Variants in LRMDA observed in about 807,000 individuals in gnomAD.
LRMDA encodes leucine rich melanocyte differentiation associated.
LRMDA carries 18 observed loss-of-function variants against 29.8 expected under a neutral mutation model. That is an observed-to-expected ratio of 0.60 (90% CI 0.42 to 0.90). The LOEUF (loss-of-function observed/expected upper bound fraction) is 0.90, where lower values mean the gene tolerates loss of function less well. LRMDA is among the 40% of genes least tolerant of loss of function. The pLI, the probability that LRMDA is intolerant of heterozygous loss-of-function variation, is 0.00. For synonymous variants in LRMDA, 125 were observed against 109.4 expected (o/e 1.14, Z -0.89); for missense variants, 273 against 273.9 (o/e 1.00, Z 0.02).
At chr10:75,486,453 G>A (rs931369042) in intron 2 of LRMDA, among the ~76,000 whole-genome samples, 3 of 152,092 alleles carry the variant, frequency 2.0e-5, no homozygotes, top group Non-Finnish European at 4.4e-5. Context: ...TCTATATAGA[G>A]GACGTAAATT....
At chr10:76,134,561 G>A (rs1277357305) in intron 5 of LRMDA, among the ~76,000 whole-genome samples, 1 of 152,080 alleles carries the variant, frequency 6.6e-6, no homozygotes, top group Non-Finnish European at 1.5e-5. Context: ...GCTGAAAATA[G>A]CTATTTTATT....
chr10:75,576,473 C>A (rs867758558), intron 2 of LRMDA, among the ~76,000 whole-genome samples: 1 of 152,258 alleles, frequency 6.6e-6, no homozygotes, highest in Non-Finnish European at 1.5e-5. Flanking sequence ...CCCTGCCTGG[C>A]AGCTCTGAAG....
chr10:75,491,422 A>C (rs1844985717), intron 2 of LRMDA, among the ~76,000 whole-genome samples: 1 of 152,138 alleles, frequency 6.6e-6, no homozygotes, highest in Non-Finnish European at 1.5e-5. Context: ...TAGTTGCTTG[A>C]GTGGGGGAAC....
chr10:75,614,377 C>T (rs914356966), intron 2 of LRMDA, among the ~76,000 whole-genome samples: 4 of 152,118 alleles, frequency 2.6e-5, no homozygotes, highest in Admixed American at 2.6e-4. Context: ...CGGCTGTGTC[C>T]CCACTCTCCT....
intron 2 of LRMDA, among the ~76,000 whole-genome samples, chr10:75,671,255 C>T (rs1841887539): frequency 1.3e-5 from 2 of 152,172 alleles, no homozygotes; most frequent in Admixed American, 6.5e-5. Context: ...CATCACCTAG[C>T]TTCACTACTA....
chr10:75,902,863 C>T (rs1050725985), intron 2 of LRMDA, among the ~76,000 whole-genome samples: 14 of 152,194 alleles, frequency 9.2e-5, no homozygotes, highest in Non-Finnish European at 1.6e-4. Flanking sequence ...GACAACCCCC[C>T]GTGCTGCTCC....
intron 6 of LRMDA, among the ~76,000 whole-genome samples, chr10:76,525,449 G>A (rs1355336450): frequency 6.6e-6 from 1 of 152,062 alleles, no homozygotes; most frequent in East Asian, 1.9e-4. Context: ...CCTCTTAGAG[G>A]ATTGAGTCCT....
At chr10:75,933,963 T>C (rs1846246114) in intron 2 of LRMDA, among the ~76,000 whole-genome samples, 1 of 152,144 alleles carries the variant, frequency 6.6e-6, no homozygotes, top group African/African-American at 2.4e-5. Flanking sequence ...ACAGCATCCC[T>C]AAGAACAAGT....
At chr10:75,992,415 G>A (rs1370424763) in intron 2 of LRMDA, among the ~76,000 whole-genome samples, 1 of 152,166 alleles carries the variant, frequency 6.6e-6, no homozygotes, top group Admixed American at 6.5e-5. Flanking sequence ...CTCATACAGA[G>A]TTTCCCTATT....
chr10:76,011,008 G>C (rs1370964690), intron 2 of LRMDA, among the ~76,000 whole-genome samples: 2 of 152,232 alleles, frequency 1.3e-5, no homozygotes, highest in Admixed American at 1.3e-4. Context: ...ACCACAAGAG[G>C]ATAAATCGAG....
intron 2 of LRMDA, among the ~76,000 whole-genome samples, chr10:75,918,453 AGAG>A (rs1845971440): frequency 6.6e-6 from 1 of 152,052 alleles, no homozygotes; most frequent in Non-Finnish European, 1.5e-5. Flanking sequence ...CGAGCGAGAG[AGAG>A]GAGCAGGAGG....
chr10:76,316,341 T>C (rs1216640544), intron 5 of LRMDA, among the ~76,000 whole-genome samples: 2 of 152,080 alleles, frequency 1.3e-5, no homozygotes, highest in Non-Finnish European at 2.9e-5. Flanking sequence ...GCGCCTATAC[T>C]GGCACTTGGA....
chr10:76,411,926 G>C (rs1841965599), intron 6 of LRMDA, among the ~76,000 whole-genome samples: 1 of 152,216 alleles, frequency 6.6e-6, no homozygotes, highest in South Asian at 2.1e-4. Flanking sequence ...GCCTTCACTT[G>C]GTGAGAAATC....
intron 5 of LRMDA, among the ~76,000 whole-genome samples, chr10:76,249,198 G>A (rs908552615): frequency 6.6e-6 from 1 of 152,170 alleles, no homozygotes; most frequent in African/African-American, 2.4e-5. Flanking sequence ...ATTTTTATGG[G>A]CAGCTTGCTG....
chr10:76,215,916 A>G (rs1851720259), intron 5 of LRMDA, among the ~76,000 whole-genome samples: 1 of 152,244 alleles, frequency 6.6e-6, no homozygotes, highest in Admixed American at 6.5e-5. Context: ...TGACACAATA[A>G]CAATATGACT....
chr10:76,468,184 C>A (rs1842582736), intron 6 of LRMDA, among the ~76,000 whole-genome samples: 1 of 152,198 alleles, frequency 6.6e-6, no homozygotes, highest in Non-Finnish European at 1.5e-5. Context: ...GCTAACAGAG[C>A]CACTATATGT....
intron 2 of LRMDA, among the ~76,000 whole-genome samples, chr10:75,891,936 G>A (rs1845498880): frequency 6.6e-6 from 1 of 152,188 alleles, no homozygotes; most frequent in South Asian, 2.1e-4. Flanking sequence ...TGAATTGAGA[G>A]GACCCCTGTG....
At chr10:76,241,588 G>A (rs1035267228) in intron 5 of LRMDA, among the ~76,000 whole-genome samples, 27 of 152,140 alleles carry the variant, frequency 1.8e-4, no homozygotes, top group Non-Finnish European at 1.5e-5. Flanking sequence ...GTATGAAATG[G>A]GAATATGAAG....
chr10:75,647,543 C>T (rs1349171289), intron 2 of LRMDA: 1 of 152,316 alleles, frequency 6.6e-6, no homozygotes, highest in Non-Finnish European at 1.5e-5. Context: ...GGGTCATGTA[C>T]ATCCCACTGA....
Sources: gnomAD v4.1 joint callset for allele counts (sites outside exome capture counted in the v4.1 genomes callset) on GRCh38, gnomAD v4.1.1 for gene constraint, MANE v1.5 for transcripts, NCBI Gene and HGNC (gene_info 2026-07-23, HGNC 2026-07-21) for gene names.